Variants in PKNOX2 observed in about 807,000 individuals in gnomAD.
PKNOX2 encodes the protein homeobox protein PKNOX2.
In PKNOX2, 14 loss-of-function variants were observed where a neutral mutation model predicts 53.1. The ratio of observed to expected loss-of-function variants is 0.26; its 90% CI spans 0.17 to 0.41. The LOEUF (loss-of-function observed/expected upper bound fraction) is 0.41. Among genes scored for constraint, PKNOX2 ranks in the 10% least tolerant of loss-of-function variants. The pLI is 1.00. For synonymous variants in PKNOX2, 257 were observed against 242.8 expected, an observed-to-expected ratio of 1.06 and a Z score of -0.54; for missense variants, 496 against 602.8, an observed-to-expected ratio of 0.82 and a Z score of 1.85.
chr11:125,396,786 G>A (rs1354839054), intron 6 of PKNOX2, among the ~76,000 whole-genome samples: 1 of 152,170 alleles, frequency 6.6e-6, no homozygotes, highest in Non-Finnish European at 1.5e-5. Context: ...ATCCATATGT[G>A]TTCGTGCTGA....
At chr11:125,192,923 G>A (rs936436697) in intron 1 of PKNOX2, among the ~76,000 whole-genome samples, 2 of 152,232 alleles carry the variant, frequency 1.3e-5, no homozygotes, top group Non-Finnish European at 2.9e-5. Flanking sequence ...TTTGCATGCA[G>A]GGAAGACTGC....
intron 1 of PKNOX2, among the ~76,000 whole-genome samples, chr11:125,211,813 G>A (rs1026187547): frequency 6.6e-6 from 1 of 152,084 alleles, no homozygotes; most frequent in Non-Finnish European, 1.5e-5. Context: ...CTTTGGGAAT[G>A]GGGGAGGAAG....
At chr11:125,333,260 G>T (rs1260600658) in intron 3 of PKNOX2, among the ~76,000 whole-genome samples, 1 of 152,192 alleles carries the variant, frequency 6.6e-6, no homozygotes, top group Non-Finnish European at 1.5e-5. Context: ...CTCTGGGACT[G>T]AGAATAGAAC....
chr11:125,315,415 C>T (rs1447797137), intron 2 of PKNOX2, among the ~76,000 whole-genome samples: 2 of 152,068 alleles, frequency 1.3e-5, no homozygotes, highest in African/African-American at 2.4e-5. Context: ...CGAGGCCCAG[C>T]CCATGGGGTC....
intron 2 of PKNOX2, among the ~76,000 whole-genome samples, chr11:125,255,186 G>A (rs1469034436): frequency 6.6e-6 from 1 of 152,212 alleles, no homozygotes; most frequent in Non-Finnish European, 1.5e-5. Context: ...TCAAAAATCG[G>A]CATTGTGAAG....
intron 1 of PKNOX2, among the ~76,000 whole-genome samples, chr11:125,206,267 A>G (rs1362806012): frequency 1.3e-5 from 2 of 152,002 alleles, no homozygotes; most frequent in Non-Finnish European, 2.9e-5. Flanking sequence ...GCTCGGACTG[A>G]TGCTGTTCAG....
Position 125,240,715 on chromosome 11 carries a change from G to T in PKNOX2, c.-130+5600G>T, listed in dbSNP as rs139042124. Among the ~76,000 whole-genome samples, 1,148 of 152,240 alleles carry T rather than the reference G, an allele frequency of 7.5e-3. 26 individuals carry two copies. Among genetic ancestry groups the T allele is most frequent in the African/African-American group, 0.025 (1,057 of 41,524 alleles). ...CAGATCCTTCTCAAATCCTCAGAGG[G>T]AGAACCGGGAGGCTTATAAGAAGGT... On this transcript the variant is annotated intron_variant, in intron 2 of 12. Coordinates refer to ENST00000298282, the MANE Select transcript of PKNOX2 (RefSeq NM_001382323.2). This position sits in a 1 kb window ranked among gnomAD's most constrained non-coding sequence, Gnocchi z 4.3.
At chr11:125,175,605 A>T in intron 1 of PKNOX2, among the ~76,000 whole-genome samples, 1 of 152,168 alleles carries the variant, frequency 6.6e-6, no homozygotes. Flanking sequence ...ATAGCTGTAG[A>T]CCCAAGAAGA....
intron 10 of PKNOX2, among the ~76,000 whole-genome samples, chr11:125,419,096 T>C (rs1956035793): frequency 1.3e-5 from 2 of 152,060 alleles, no homozygotes; most frequent in Middle Eastern, 3.4e-3. Flanking sequence ...GCAATGTTTC[T>C]TAGAAACCAC....
At chr11:125,258,337 T>C (rs1019989499) in intron 2 of PKNOX2, among the ~76,000 whole-genome samples, 1 of 152,180 alleles carries the variant, frequency 6.6e-6, no homozygotes, top group African/African-American at 2.4e-5. Context: ...AACTAGAAAT[T>C]GTCTTTCTCT....
chr11:125,399,895 G>T (rs960512559), intron 7 of PKNOX2, among the ~76,000 whole-genome samples: 1 of 152,238 alleles, frequency 6.6e-6, no homozygotes, highest in Non-Finnish European at 1.5e-5. Flanking sequence ...GCAGAAACCA[G>T]TCGGTCACTG....
At chr11:125,354,003 A>G (rs535756367) in intron 4 of PKNOX2, among the ~76,000 whole-genome samples, 57 of 152,260 alleles carry the variant, frequency 3.7e-4, no homozygotes, top group African/African-American at 1.3e-3. Flanking sequence ...TGTTCTCTCC[A>G]AAGAATGCTA....
chr11:125,169,157 C>T (rs1215188430), intron 1 of PKNOX2, among the ~76,000 whole-genome samples: 3 of 152,164 alleles, frequency 2.0e-5, no homozygotes, highest in East Asian at 1.9e-4. Context: ...TCAAACAAAA[C>T]GCAGATCCGA....
chr11:125,215,210 C>T (rs1008220982), intron 1 of PKNOX2, among the ~76,000 whole-genome samples: 11 of 151,982 alleles, frequency 7.2e-5, no homozygotes, highest in Admixed American at 2.0e-4. Flanking sequence ...ACCAGGAAGA[C>T]GGGGCTTAGG....
chr11:125,328,894 C>G (rs1036877821), intron 2 of PKNOX2, among the ~76,000 whole-genome samples: 1 of 152,242 alleles, frequency 6.6e-6, no homozygotes, highest in African/African-American at 2.4e-5. Context: ...AAAGGCATCT[C>G]TCATACGCTG....
chr11:125,340,963 T>A (rs1241301339), intron 3 of PKNOX2, among the ~76,000 whole-genome samples: 4 of 144,568 alleles, frequency 2.8e-5, no homozygotes, highest in African/African-American at 5.3e-5. Flanking sequence ...GGTGGGAGAA[T>A]CGCTTGAACC....
intron 4 of PKNOX2, among the ~76,000 whole-genome samples, chr11:125,365,002 T>C (rs2136264441): frequency 6.6e-6 from 1 of 152,182 alleles, no homozygotes; most frequent in East Asian, 1.9e-4. Flanking sequence ...CTTAAAGAGT[T>C]GGGGTATTGG....
At chr11:125,306,833 C>T (rs879655338) in intron 2 of PKNOX2, among the ~76,000 whole-genome samples, 1 of 152,204 alleles carries the variant, frequency 6.6e-6, no homozygotes, top group African/African-American at 2.4e-5. Flanking sequence ...CCCACTACCC[C>T]CTCCCCCATT....
At chr11:125,186,485 C>G (rs528095744) in intron 1 of PKNOX2, among the ~76,000 whole-genome samples, 1 of 152,204 alleles carries the variant, frequency 6.6e-6, no homozygotes, top group South Asian at 2.1e-4. Context: ...GACTCTGTCT[C>G]TACCAAAAAA....
Sources: gnomAD v4.1 joint callset for allele counts (sites outside exome capture counted in the v4.1 genomes callset) on GRCh38, gnomAD v4.1.1 for gene constraint, Gnocchi (gnomAD v3.1) non-coding constraint, MANE v1.5 for transcripts, NCBI Gene and HGNC (gene_info 2026-07-23, HGNC 2026-07-21) for gene names.